Variants in PLOD2 observed in about 807,000 individuals in gnomAD.
PLOD2 encodes the protein procollagen-lysine,2-oxoglutarate 5-dioxygenase 2.
PLOD2 carries 65 observed loss-of-function variants against 101.0 expected under a neutral mutation model. The observed-to-expected ratio is 0.64, with a 90% CI of 0.53 to 0.79. PLOD2 has a LOEUF of 0.79. Among genes scored for constraint, PLOD2 ranks in the 30% least tolerant of loss-of-function variants. The pLI, the probability that PLOD2 is intolerant of heterozygous loss-of-function variation, is 0.00. For synonymous variants in PLOD2, 314 were observed against 302.9 expected (o/e 1.04, Z -0.38); for missense variants, 909 against 914.6 (o/e 0.99, Z 0.08).
intron 3 of PLOD2, 72 bp downstream of exon 3, chr3:146,121,040 A>C: frequency 8.1e-7 from 1 of 1,233,042 alleles, no homozygotes. Context: ...TACATCATCT[A>C]CAAATATAAA....
intron 15 of PLOD2, chr3:146,076,000 A>G (rs1936319496): frequency 6.6e-6 from 1 of 151,702 alleles, no homozygotes; most frequent in African/African-American, 2.4e-5. Context: ...ACAAGTGTAT[A>G]ATGCATGATG....
At chr3:146,096,999 TG>T (rs1205431639) in intron 7 of PLOD2, among the ~76,000 whole-genome samples, 9 of 61,948 alleles carry the variant, frequency 1.5e-4, no homozygotes, top group Admixed American at 3.4e-4. Context: ...GGGAGGGAGG[TG>T]GGGGGGTCAG....
At chr3:146,106,695 C>T (rs750146835) in intron 4 of PLOD2, 51 bp from the exon 5 acceptor site, 1 of 875,172 alleles carries the variant, frequency 1.1e-6, no homozygotes, top group Non-Finnish European at 2.0e-6. Context: ...AAGACCAAAA[C>T]TGGTGTCATG....
chr3:146,106,592 G>T lies in PLOD2; in HGVS notation c.555C>A (p.Leu185=). 1.9e-6 allele frequency: 3 copies of T among 1,598,364 alleles called. No homozygotes were observed. The highest frequency in any genetic ancestry group is 2.6e-6 in the Non-Finnish European group (3 of 1,165,806). Reference sequence around the variant, plus strand: ...AGAGCTGATCATCATCATTATCCTGGAGATTCCATTGTTGAACTATACGGT... The same window carrying T: ...AGAGCTGATCATCATCATTATCCTGTAGATTCCATTGTTGAACTATACGGT... ...YVNRIVQQWN[L]QDNDDDQLFY... The change falls in exon 5 of 20, where the codon CTC becomes CTA. Residue 185 remains leucine (L), a synonymous_variant. Coordinates refer to ENST00000282903, the MANE Select transcript of PLOD2 (RefSeq NM_182943.3).
At chr3:146,109,786 A>G (rs765726593) in intron 4 of PLOD2, among the ~76,000 whole-genome samples, 3 of 152,236 alleles carry the variant, frequency 2.0e-5, no homozygotes, top group Non-Finnish European at 4.4e-5. Context: ...AAGTATACCC[A>G]GACACTCAAT....
chr3:146,116,840 T>A lies in PLOD2; in HGVS notation c.338+4272A>T, dbSNP rs975648682. Among the ~76,000 whole-genome samples the A allele has an allele frequency of 4.6e-5, 7 of 152,142 alleles. No homozygotes were observed. The East Asian group carries it at 5.8e-4, about 13-fold the overall frequency. ...ACCTTGCCAAATATCTAAATTTTTTTATCTAAATTAAATATAATAAATCTT... is the reference window on the plus strand; with the variant it reads ...ACCTTGCCAAATATCTAAATTTTTTAATCTAAATTAAATATAATAAATCTT... On this transcript the variant is annotated intron_variant, in intron 3 of 19. Coordinates refer to ENST00000282903, the MANE Select transcript of PLOD2 (RefSeq NM_182943.3).
At chr3:146,126,537 T>C (rs567057844) in intron 1 of PLOD2, among the ~76,000 whole-genome samples, 1 of 152,184 alleles carries the variant, frequency 6.6e-6, no homozygotes, top group Non-Finnish European at 1.5e-5. Context: ...AAAGATATGG[T>C]GACAGGAAAG....
intron 1 of PLOD2, among the ~76,000 whole-genome samples, chr3:146,124,922 C>A (rs1245062175): frequency 1.3e-5 from 2 of 152,004 alleles, no homozygotes; most frequent in Non-Finnish European, 2.9e-5. Flanking sequence ...TACTTTCAAT[C>A]CAACATAACA....
intron 2 of PLOD2, chr3:146,123,293 T>C: frequency 8.5e-7 from 1 of 1,181,988 alleles, no homozygotes; most frequent in Non-Finnish European, 1.1e-6. Flanking sequence ...TCCTCTTATT[T>C]GTAGAAAAGA....
chr3:146,093,025 A>T (rs1326906297), intron 7 of PLOD2, among the ~76,000 whole-genome samples: 1 of 152,164 alleles, frequency 6.6e-6, no homozygotes, highest in Non-Finnish European at 1.5e-5. Flanking sequence ...AAAAGAAAAA[A>T]GTCCATGTTA....
At position 146,081,856 on chromosome 3, in the gene PLOD2, TG is replaced by T; in HGVS notation, c.1239del (p.Ile414LeufsTer5). On this transcript the variant is annotated frameshift_variant, in exon 12 of 20. Transcript: ENST00000282903. LOFTEE classifies it high-confidence loss of function. ...LKILIEQNRK[I>X]IAPLVTRHGK... ...CCATGACGAGTTACAAGAGGAGCAA[TG>T]ATCTTTCTAAAGACAGAGAGAGTGT... The T allele has an allele frequency of 6.2e-7, 1 of 1,612,538 alleles. No individual in the cohort carries two copies. The highest frequency in any genetic ancestry group is 8.5e-7 in the Non-Finnish European group (1 of 1,178,830).
At chr3:146,144,430 G>A (rs1238301314) in intron 1 of PLOD2, among the ~76,000 whole-genome samples, 3 of 152,040 alleles carry the variant, frequency 2.0e-5, no homozygotes, top group Non-Finnish European at 2.9e-5. Context: ...TACACTGCTC[G>A]TGGAAGTGAA....
intron 7 of PLOD2, among the ~76,000 whole-genome samples, chr3:146,094,626 G>A (rs571767783): frequency 2.6e-5 from 4 of 152,156 alleles, no homozygotes; most frequent in Non-Finnish European, 4.4e-5. Context: ...TCATAATAAC[G>A]TGAAAATGGC....
At chr3:146,156,824 T>G (rs964138603) in intron 1 of PLOD2, among the ~76,000 whole-genome samples, 8 of 152,260 alleles carry the variant, frequency 5.3e-5, no homozygotes, top group Non-Finnish European at 8.8e-5. Flanking sequence ...AAGCACAGCC[T>G]GAAGAAGGGG....
chr3:146,155,225 T>TG (rs973700458), intron 1 of PLOD2, among the ~76,000 whole-genome samples: 1 of 151,918 alleles, frequency 6.6e-6, no homozygotes, highest in African/African-American at 2.4e-5. Flanking sequence ...GAGGCTGAGG[T>TG]GATAAGCAGG....
intron 6 of PLOD2, among the ~76,000 whole-genome samples, chr3:146,103,141 C>T (rs1313669808): frequency 6.6e-6 from 1 of 152,196 alleles, no homozygotes; most frequent in Admixed American, 6.5e-5. Flanking sequence ...AATAATTCAT[C>T]TTGCAATCCT....
Position 146,133,744 on chromosome 3 carries a change from G to A in PLOD2, c.110-9515C>T, listed in dbSNP as rs537671908. 2.0e-4 allele frequency among the ~76,000 whole-genome samples: 30 copies of A among 152,288 alleles called. No homozygotes were observed. The South Asian group carries it at 2.9e-3, about 15-fold the overall frequency. On this transcript the variant is annotated intron_variant, in intron 1 of 19. Coordinates refer to ENST00000282903, the MANE Select transcript of PLOD2 (RefSeq NM_182943.3). Reference sequence around the variant, plus strand: ...GCAAAGAATGATCACACAGGGCGGGGAGGAGGTTCAATCAGAGTAAAACTT... The same window carrying A: ...GCAAAGAATGATCACACAGGGCGGGAAGGAGGTTCAATCAGAGTAAAACTT...
chr3:146,094,428 T>C (rs940516113), intron 7 of PLOD2, among the ~76,000 whole-genome samples: 2 of 152,300 alleles, frequency 1.3e-5, no homozygotes, highest in East Asian at 3.9e-4. Flanking sequence ...ATTGCAAGCA[T>C]TCCTATACAC....
intron 8 of PLOD2, among the ~76,000 whole-genome samples, chr3:146,090,457 A>C (rs1936935979): frequency 6.6e-6 from 1 of 151,666 alleles, no homozygotes; most frequent in Middle Eastern, 3.2e-3. Context: ...CTATCTTTGC[A>C]CCAGAAAGTT....
Sources: allele counts gnomAD v4.1 joint callset (sites outside exome capture counted in the v4.1 genomes callset), GRCh38; gene constraint gnomAD v4.1.1; transcripts MANE v1.5; gene names NCBI Gene and HGNC (gene_info 2026-07-23, HGNC 2026-07-21).